PLOD2: variants seen among roughly 807,000 people sequenced by gnomAD.
PLOD2 encodes procollagen-lysine,2-oxoglutarate 5-dioxygenase 2, also known as lysine hydroxylase 2.
PLOD2 carries 65 observed loss-of-function variants against 101.0 expected under a neutral mutation model. The observed-to-expected ratio is 0.64, with a 90% CI of 0.53 to 0.79. PLOD2 has a LOEUF of 0.79. Among genes scored for constraint, PLOD2 ranks in the 30% least tolerant of loss-of-function variants. The pLI is 0.00. For synonymous variants in PLOD2, 314 were observed against 302.9 expected (o/e 1.04, Z -0.38); for missense variants, 909 against 914.6 (o/e 0.99, Z 0.08).
At chr3:146,112,551 AG>A (rs1220399902) in intron 3 of PLOD2, among the ~76,000 whole-genome samples, 2 of 151,940 alleles carry the variant, frequency 1.3e-5, no homozygotes, top group Non-Finnish European at 2.9e-5. Context: ...TAATTCATGC[AG>A]GGCTTAAAAC....
intron 1 of PLOD2, among the ~76,000 whole-genome samples, chr3:146,160,486 C>A (rs149716220): frequency 6.6e-6 from 1 of 152,240 alleles, no homozygotes; most frequent in East Asian, 1.9e-4. Flanking sequence ...GTACACTAAG[C>A]CCCGTGTTTA....
chr3:146,100,537 T>C (rs1318985141), intron 7 of PLOD2, among the ~76,000 whole-genome samples: 1 of 152,152 alleles, frequency 6.6e-6, no homozygotes, highest in African/African-American at 2.4e-5. Context: ...AAGAAGGACT[T>C]AGCAGGTAGA....
intron 2 of PLOD2, among the ~76,000 whole-genome samples, chr3:146,122,465 G>A (rs995834005): frequency 1.3e-5 from 2 of 152,116 alleles, no homozygotes; most frequent in Non-Finnish European, 2.9e-5. Flanking sequence ...CACTACACTA[G>A]TGGTTGTCAA....
At chr3:146,141,502 C>T (rs1000831343) in intron 1 of PLOD2, among the ~76,000 whole-genome samples, 4 of 152,102 alleles carry the variant, frequency 2.6e-5, no homozygotes, top group Admixed American at 2.6e-4. Flanking sequence ...CTCCACACCA[C>T]ATTTGAGCCC....
intron 3 of PLOD2, among the ~76,000 whole-genome samples, chr3:146,119,442 CCT>C (rs529767312): frequency 1.9e-4 from 21 of 111,576 alleles, no homozygotes; most frequent in African/African-American, 6.2e-4. Context: ...TCTACTTTTG[CCT>C]CTTTTTTTTT....
At position 146,071,057 on chromosome 3, in the gene PLOD2, C is replaced by G. The variant is rs147997412; in HGVS notation, c.2106G>C (p.Val702=). 4.9e-4 allele frequency: 791 copies of G among 1,607,792 alleles called. 3 individuals are homozygous for G. The African/African-American group carries it at 9.4e-3, about 19-fold the overall frequency. The change falls in exon 19 of 20, where the codon GTG becomes GTC. Residue 702 remains valine (V), a synonymous_variant. Transcript: ENST00000282903. ...TCATAATTACCTGAAAGTCTTCTCC[C>G]ACGTTATTAAGTGCAATGTTTATGG... is the stretch of plus-strand genomic sequence containing the variant. The part of the protein sequence containing the change: ...TFTINIALNN[V]GEDFQGGGCK...
rs1405645265 is a variant in PLOD2 at position 146,097,150 on chromosome 3, C to G, written c.778-5249G>C. On this transcript the variant is annotated intron_variant, in intron 7 of 19. Coordinates refer to ENST00000282903, the MANE Select transcript of PLOD2 (RefSeq NM_182943.3). The stretch of plus-strand genomic sequence containing the variant: ...GTGGGGGGGTCAGCCCCCCGCCCGG[C>G]CAGCCGCCCAGTCCGGGAGGGAGGT... Among the ~76,000 whole-genome samples the G allele has an allele frequency of 1.3e-5, 2 of 149,700 alleles. 1 individual carries two copies. The highest frequency in any genetic ancestry group is 4.2e-4 in the South Asian group (2 of 4,758).
intron 1 of PLOD2, among the ~76,000 whole-genome samples, chr3:146,128,468 A>G (rs2030712902): frequency 6.6e-6 from 1 of 152,176 alleles, no homozygotes; most frequent in Non-Finnish European, 1.5e-5. Context: ...AGATTTGAAC[A>G]ACAACTTACC....
intron 1 of PLOD2, among the ~76,000 whole-genome samples, chr3:146,158,914 A>G (rs2032430977): frequency 1.3e-5 from 2 of 152,232 alleles, no homozygotes; most frequent in Non-Finnish European, 2.9e-5. Context: ...TAAGCTAGAC[A>G]ATTTAGGGTC....
intron 3 of PLOD2, among the ~76,000 whole-genome samples, chr3:146,112,864 AC>A (rs61608117): frequency 0.45 from 58,806 of 129,626 alleles, 12,429 homozygotes; most frequent in East Asian, 0.51. Context: ...AAAAAAAAAA[AC>A]AAAACTCTAG....
In PLOD2 at chr3:146,108,559, A is replaced by G. The variant is rs900955657; in HGVS notation, c.502+1726T>C. On this transcript the variant is annotated intron_variant, in intron 4 of 19. Coordinates refer to ENST00000282903, the MANE Select transcript of PLOD2 (RefSeq NM_182943.3). ...TTAAATAACTGTAAATATGTGATCTATGAAATTATTCAAACTTTTATTAAA... is the reference window on the plus strand; with the variant it reads ...TTAAATAACTGTAAATATGTGATCTGTGAAATTATTCAAACTTTTATTAAA... Among the ~76,000 whole-genome samples the G allele has an allele frequency of 5.3e-5, 8 of 152,320 alleles. No homozygotes were observed. In the East Asian group the frequency reaches 1.2e-3, roughly 22 times the overall value.
chr3:146,124,064 T>C, intron 2 of PLOD2, 74 bp downstream of exon 2: 2 of 802,858 alleles, frequency 2.5e-6, no homozygotes, highest in Non-Finnish European at 2.2e-6. Context: ...GGATTACAGA[T>C]TGTACTGCTG....
chr3:146,145,404 G>A (rs946916618), intron 1 of PLOD2, among the ~76,000 whole-genome samples: 11 of 152,008 alleles, frequency 7.2e-5, no homozygotes, highest in Admixed American at 3.3e-4. Context: ...ATCACAATGA[G>A]CAAAACAAAT....
chr3:146,085,119 T>C (rs936482733), intron 11 of PLOD2, 50 bp downstream of exon 11: 2 of 879,282 alleles, frequency 2.3e-6, no homozygotes, highest in African/African-American at 1.7e-5. Flanking sequence ...CACATCAATA[T>C]GAAAAATAAT....
chr3:146,092,065 G>A (rs1936993556), intron 7 of PLOD2, among the ~76,000 whole-genome samples, 164 bp from the exon 8 acceptor site: 1 of 151,114 alleles, frequency 6.6e-6, no homozygotes, highest in Admixed American at 6.6e-5. Context: ...GTCTTCTCCA[G>A]AATATGAATT....
chr3:146,100,491 C>A (rs1011925008), intron 7 of PLOD2, among the ~76,000 whole-genome samples: 4 of 151,958 alleles, frequency 2.6e-5, no homozygotes, highest in Non-Finnish European at 5.9e-5. Context: ...ATACAAGAGA[C>A]CCAAAAAGTA....
intron 15 of PLOD2, chr3:146,076,420 T>C (rs1018167649): frequency 5.4e-6 from 1 of 185,388 alleles, no homozygotes; most frequent in Non-Finnish European, 1.1e-5. Flanking sequence ...CAGGTTCATG[T>C]GTGTTTTTGG....
chr3:146,122,871 C>T (rs1431250154), intron 2 of PLOD2, among the ~76,000 whole-genome samples: 2 of 152,128 alleles, frequency 1.3e-5, no homozygotes, highest in South Asian at 4.1e-4. Context: ...AAGAAACATT[C>T]TACTCTCTCT....
intron 1 of PLOD2, among the ~76,000 whole-genome samples, chr3:146,158,836 T>C (rs570465573): frequency 8.4e-4 from 128 of 152,338 alleles, no homozygotes; most frequent in African/African-American, 2.9e-3. Flanking sequence ...CATTTCTTCT[T>C]GGTTAGCTGG....
Sources: gnomAD v4.1 joint callset for allele counts (sites outside exome capture counted in the v4.1 genomes callset) on GRCh38, gnomAD v4.1.1 for gene constraint, MANE v1.5 for transcripts, NCBI Gene and HGNC (gene_info 2026-07-23, HGNC 2026-07-21) for gene names.